PDZRN4: variants seen among roughly 807,000 people sequenced by gnomAD.
The protein encoded by PDZRN4 is PDZ domain-containing RING finger protein 4.
In PDZRN4, 70 loss-of-function variants were observed where a neutral mutation model predicts 99.0. The ratio of observed to expected loss-of-function variants is 0.71; its 90% confidence interval spans 0.58 to 0.86. The LOEUF (loss-of-function observed/expected upper bound fraction) is 0.86, where lower values mean the gene tolerates loss of function less well. PDZRN4 is among the 40% of genes least tolerant of loss of function. PDZRN4 has a pLI of 0.00. For missense variants in PDZRN4, 1,474 were observed against 1,331.2 expected (o/e 1.11, Z -1.67); for synonymous variants, 551 against 501.6 (o/e 1.10, Z -1.32).
intron 3 of PDZRN4, among the ~76,000 whole-genome samples, chr12:41,366,052 C>T (rs1951997939): frequency 6.6e-6 from 1 of 152,066 alleles, no homozygotes; most frequent in Admixed American, 6.6e-5. Flanking sequence ...GCAGCTGCTC[C>T]CACCACAGAT....
chr12:41,330,376 C>T (rs1045226086), intron 3 of PDZRN4, among the ~76,000 whole-genome samples: 2 of 151,740 alleles, frequency 1.3e-5, no homozygotes, highest in African/African-American at 4.8e-5. Flanking sequence ...GACTATGACA[C>T]AAGTCTTGAG....
intron 3 of PDZRN4, among the ~76,000 whole-genome samples, chr12:41,372,119 C>G (rs1401086832): frequency 6.6e-6 from 1 of 150,644 alleles, no homozygotes; most frequent in African/African-American, 2.4e-5. Flanking sequence ...AGATGTAAAG[C>G]TATGCCCTAT....
intron 3 of PDZRN4, among the ~76,000 whole-genome samples, chr12:41,456,993 C>A (rs11180927): frequency 1.3e-5 from 2 of 152,118 alleles, no homozygotes; most frequent in South Asian, 4.1e-4. Context: ...GATGGCCATA[C>A]CAGGAAGACA....
At chr12:41,247,554 C>T (rs998149605) in intron 3 of PDZRN4, among the ~76,000 whole-genome samples, 1 of 152,094 alleles carries the variant, frequency 6.6e-6, no homozygotes, top group Non-Finnish European at 1.5e-5. Flanking sequence ...GGGTTCATCG[C>T]CCTTTTGACT....
chr12:41,248,512 T>C (rs528699189), intron 3 of PDZRN4, among the ~76,000 whole-genome samples: 23 of 121,618 alleles, frequency 1.9e-4, no homozygotes, highest in Admixed American at 1.7e-3. Context: ...TGGACAGCAG[T>C]AATAGCCAAG....
intron 3 of PDZRN4, among the ~76,000 whole-genome samples, chr12:41,277,299 A>C (rs1302323490): frequency 6.6e-6 from 1 of 152,126 alleles, no homozygotes; most frequent in African/African-American, 2.4e-5. Context: ...TTCATTTTTC[A>C]CGTAGTTTTA....
At chr12:41,189,919 C>T (rs200439253) in intron 1 of PDZRN4, among the ~76,000 whole-genome samples, 1 of 152,132 alleles carries the variant, frequency 6.6e-6, no homozygotes, top group East Asian at 1.9e-4. Context: ...CCCCGAACTG[C>T]GCTCCTGGTC....
intron 4 of PDZRN4, among the ~76,000 whole-genome samples, chr12:41,509,071 T>C (rs1938259863): frequency 6.6e-6 from 1 of 152,174 alleles, no homozygotes; most frequent in African/African-American, 2.4e-5. Flanking sequence ...TTACAAACTA[T>C]TTAAAAATTT....
At chr12:41,319,299 G>T (rs1189159273) in intron 3 of PDZRN4, among the ~76,000 whole-genome samples, 1 of 152,136 alleles carries the variant, frequency 6.6e-6, no homozygotes, top group Non-Finnish European at 1.5e-5. Context: ...TCCAGTAGTG[G>T]CTGTAATGAT....
At chr12:41,494,879 T>C (rs1354374410) in intron 3 of PDZRN4, among the ~76,000 whole-genome samples, 1 of 152,140 alleles carries the variant, frequency 6.6e-6, no homozygotes, top group Non-Finnish European at 1.5e-5. Flanking sequence ...AGGAAACTGG[T>C]TGCTTGTTCA....
intron 3 of PDZRN4, among the ~76,000 whole-genome samples, chr12:41,361,690 A>G (rs1366160659): frequency 2.6e-5 from 4 of 152,066 alleles, no homozygotes. Flanking sequence ...ACGTCTTGCT[A>G]CTGAATGTCA....
chr12:41,515,562 G>T (rs965519664), intron 5 of PDZRN4, among the ~76,000 whole-genome samples: 3 of 151,964 alleles, frequency 2.0e-5, no homozygotes, highest in African/African-American at 7.2e-5. Context: ...TGTCAGTCTG[G>T]AGTTGGTTCA....
chr12:41,479,039 A>G (rs1042154562), intron 3 of PDZRN4, among the ~76,000 whole-genome samples: 1 of 152,184 alleles, frequency 6.6e-6, no homozygotes, highest in Non-Finnish European at 1.5e-5. Flanking sequence ...AGTAGTTGTG[A>G]AAAAAAGTAA....
At chr12:41,224,176 A>G in intron 3 of PDZRN4, among the ~76,000 whole-genome samples, 1 of 152,208 alleles carries the variant, frequency 6.6e-6, no homozygotes, top group Admixed American at 6.5e-5. Context: ...CTATCATTTA[A>G]TGAAAGCTCA....
chr12:41,225,391 T>G (rs1239253441), intron 3 of PDZRN4, among the ~76,000 whole-genome samples: 1 of 151,916 alleles, frequency 6.6e-6, no homozygotes, highest in Non-Finnish European at 1.5e-5. Context: ...TAATGTATTT[T>G]ATCATTCATA....
At chr12:41,403,862 A>C (rs1952322292) in intron 3 of PDZRN4, among the ~76,000 whole-genome samples, 2 of 152,180 alleles carry the variant, frequency 1.3e-5, no homozygotes, top group Admixed American at 6.5e-5. Flanking sequence ...ATACCAAACA[A>C]AATATAAACC....
At chr12:41,338,697 A>G (rs983710710) in intron 3 of PDZRN4, among the ~76,000 whole-genome samples, 1 of 152,050 alleles carries the variant, frequency 6.6e-6, no homozygotes, top group African/African-American at 2.4e-5. Flanking sequence ...AAATTTGAGA[A>G]CATAGAAGAA....
chr12:41,312,932 C>T (rs1432546974), intron 3 of PDZRN4, among the ~76,000 whole-genome samples: 1 of 152,172 alleles, frequency 6.6e-6, no homozygotes, highest in Non-Finnish European at 1.5e-5. Flanking sequence ...AATCGCACTG[C>T]CCTTCTTAGT....
chr12:41,327,182 G>T (rs1314860526), intron 3 of PDZRN4, among the ~76,000 whole-genome samples: 1 of 152,038 alleles, frequency 6.6e-6, no homozygotes, highest in Non-Finnish European at 1.5e-5. Flanking sequence ...AGCTTACATT[G>T]TTCAGGCCAT....
Sources: gnomAD v4.1 joint callset for allele counts (sites outside exome capture counted in the v4.1 genomes callset) on GRCh38, gnomAD v4.1.1 for gene constraint, MANE v1.5 for transcripts, NCBI Gene and HGNC (gene_info 2026-07-23, HGNC 2026-07-21) for gene names.